EYA3: variants seen among roughly 807,000 people sequenced by gnomAD.
EYA3 encodes EYA transcriptional coactivator and phosphatase 3.
EYA3 carries 39 observed loss-of-function variants against 80.0 expected under a neutral mutation model. The ratio of observed to expected loss-of-function variants is 0.49; its 90% CI spans 0.38 to 0.64. EYA3 has a LOEUF of 0.64. Ranked by LOEUF, EYA3 falls within the 30% of genes least tolerant of loss-of-function variation. The pLI, the probability that EYA3 is intolerant of heterozygous loss-of-function variation, is 0.00. For synonymous variants in EYA3, 206 were observed against 232.8 expected (o/e 0.88, Z 1.05); for missense variants, 523 against 676.1 (o/e 0.77, Z 2.51).
chr1:28,027,597 T>G (rs549161728), intron 7 of EYA3, among the ~76,000 whole-genome samples, 192 bp downstream of exon 7: 1 of 152,292 alleles, frequency 6.6e-6, no homozygotes, highest in African/African-American at 2.4e-5. Flanking sequence ...GCTAAACTAC[T>G]TATAAACCAC....
intron 6 of EYA3, among the ~76,000 whole-genome samples, chr1:28,033,509 A>C (rs1643265890): frequency 6.6e-6 from 1 of 152,090 alleles, no homozygotes; most frequent in African/African-American, 2.4e-5. Context: ...CCTTGCCCTC[A>C]AATATTAAAC....
chr1:28,030,361 T>G (rs1172296488), intron 6 of EYA3, among the ~76,000 whole-genome samples: 1 of 152,190 alleles, frequency 6.6e-6, no homozygotes, highest in East Asian at 1.9e-4. Flanking sequence ...GGTGCAATCA[T>G]AGCTCACTGC....
At chr1:27,994,140 A>G (rs1043827807) in intron 13 of EYA3, among the ~76,000 whole-genome samples, 1 of 152,196 alleles carries the variant, frequency 6.6e-6, no homozygotes, top group Non-Finnish European at 1.5e-5. Context: ...AAATATAAAT[A>G]GAAAGTGATA....
chr1:28,061,745 G>A (rs1224328017), intron 1 of EYA3, among the ~76,000 whole-genome samples: 1 of 152,046 alleles, frequency 6.6e-6, no homozygotes, highest in Non-Finnish European at 1.5e-5. Context: ...GACTACAGGC[G>A]CCCGCCACCA....
At chr1:28,063,441 C>A (rs1644716936) in intron 1 of EYA3, among the ~76,000 whole-genome samples, 1 of 141,990 alleles carries the variant, frequency 7.0e-6, no homozygotes, top group Non-Finnish European at 1.5e-5. Context: ...ACCGCAACTT[C>A]CACCTCCCCA....
chr1:28,048,062 T>G (rs1644093304), intron 3 of EYA3, among the ~76,000 whole-genome samples: 1 of 152,204 alleles, frequency 6.6e-6, no homozygotes, highest in Non-Finnish European at 1.5e-5. Flanking sequence ...TTCTGTATAT[T>G]GTACGTCTGA....
Position 27,993,514 on chromosome 1 carries a change from C to T in EYA3, c.1189G>A (p.Gly397Ser). The change falls in exon 14 of 18, where the codon GGC (glycine) becomes AGC (serine). Residue 397 changes from glycine (G) to serine (S), a missense_variant. Gly to Ser is a moderately conservative substitution (Grantham distance 56, BLOSUM62 0). Transcript: ENST00000373871. ...ACACCCACAGATGAACCATGGCTGC[C>T]ACTACCTCCTGAGCCACTGAAACCA... is the stretch of plus-strand genomic sequence containing the variant. Reference protein sequence around the residue: ...TDGFSGSGGSGSHGSSVGVQG... With the variant: ...TDGFSGSGGSSSHGSSVGVQG... 1 of 1,612,322 alleles carries T rather than the reference C, an allele frequency of 6.2e-7. No homozygotes were observed. Among genetic ancestry groups the T allele is most frequent in the Non-Finnish European group, 8.5e-7 (1 of 1,179,432 alleles).
chr1:28,031,266 C>G (rs1429286793), intron 6 of EYA3, among the ~76,000 whole-genome samples: 1 of 152,212 alleles, frequency 6.6e-6, no homozygotes, highest in Non-Finnish European at 1.5e-5. Flanking sequence ...TGCAAATCAT[C>G]TTCCTCTAAA....
intron 2 of EYA3, among the ~76,000 whole-genome samples, chr1:28,056,059 T>G (rs1644427521): frequency 6.6e-6 from 1 of 152,150 alleles, no homozygotes; most frequent in Non-Finnish European, 1.5e-5. Context: ...TTAATAAGTA[T>G]TGTGTTTTCA....
intron 5 of EYA3, 60 bp downstream of exon 5, chr1:28,038,779 A>C (rs1643608982): frequency 9.5e-6 from 9 of 947,204 alleles, no homozygotes; most frequent in South Asian, 3.4e-5. Context: ...AATAATATTA[A>C]ATTTTGCAAT....
At chr1:28,045,986 T>C (rs1163264004) in intron 3 of EYA3, among the ~76,000 whole-genome samples, 2 of 152,138 alleles carry the variant, frequency 1.3e-5, no homozygotes, top group African/African-American at 2.4e-5. Flanking sequence ...CTTAAAGACA[T>C]CATGATGAAT....
chr1:28,018,174 T>G (rs1642196232), intron 7 of EYA3, among the ~76,000 whole-genome samples: 1 of 150,950 alleles, frequency 6.6e-6, no homozygotes, highest in Admixed American at 6.6e-5. Flanking sequence ...ACAGCCTGGG[T>G]GACAGAGCAA....
At chr1:27,982,543 A>G (rs1036516997) in intron 16 of EYA3, among the ~76,000 whole-genome samples, 1 of 151,458 alleles carries the variant, frequency 6.6e-6, no homozygotes, top group African/African-American at 2.4e-5. Context: ...AAATCTTTAT[A>G]TAGATATTAC....
intron 3 of EYA3, among the ~76,000 whole-genome samples, chr1:28,046,245 T>C (rs1379018723): frequency 6.6e-6 from 1 of 152,210 alleles, no homozygotes; most frequent in Non-Finnish European, 1.5e-5. Context: ...TGGTAAATTG[T>C]ATATTGTGTG....
intron 7 of EYA3, among the ~76,000 whole-genome samples, chr1:28,025,316 GGGA>G (rs1642709648): frequency 1.3e-5 from 2 of 152,254 alleles, no homozygotes; most frequent in Non-Finnish European, 2.9e-5. Context: ...ACCACAAAAA[GGGA>G]GGAGAAGTGA....
chr1:28,051,677 ACT>A (rs1338241433), intron 2 of EYA3, among the ~76,000 whole-genome samples: 10 of 152,248 alleles, frequency 6.6e-5, no homozygotes, highest in African/African-American at 2.2e-4. Flanking sequence ...ACAAGGCAAG[ACT>A]CTGTCTAAAA....
intron 1 of EYA3, among the ~76,000 whole-genome samples, chr1:28,085,816 G>A (rs1645632013): frequency 6.6e-6 from 1 of 152,144 alleles, no homozygotes; most frequent in Non-Finnish European, 1.5e-5. Context: ...GGAGGGTCAG[G>A]CTTGAAGATC....
rs1452680336 is a variant in EYA3 at position 27,972,651 on chromosome 1, T to G, written c.*1815A>C. On this transcript the variant is annotated 3_prime_UTR_variant, in exon 18 of 18. Transcript: ENST00000373871. ...TGCGGACCAATCCTGCATCTCAATCTGAGGTGCTTGTATCATCTCTCTCTG... is the reference window on the plus strand; with the variant it reads ...TGCGGACCAATCCTGCATCTCAATCGGAGGTGCTTGTATCATCTCTCTCTG... 1 of 152,256 alleles carries G rather than the reference T, an allele frequency of 6.6e-6. No individual in the cohort carries two copies. Among genetic ancestry groups the G allele is most frequent in the Non-Finnish European group, 1.5e-5 (1 of 68,044 alleles). 9.4% of individuals were successfully genotyped at this position (152,256 alleles called of 1,614,324 possible). A position where few individuals can be genotyped will look rare whatever the true frequency, so the allele number is the denominator to read the frequency against.
chr1:28,011,111 G>C, intron 9 of EYA3, 25 bp from the exon 10 acceptor site: 1 of 1,605,762 alleles, frequency 6.2e-7, no homozygotes, highest in Non-Finnish European at 8.5e-7. Context: ...TGAAACATAT[G>C]TTGTCAGGAG....
Sources: gnomAD v4.1 joint callset for allele counts (sites outside exome capture counted in the v4.1 genomes callset) on GRCh38, gnomAD v4.1.1 for gene constraint, MANE v1.5 for transcripts, NCBI Gene and HGNC (gene_info 2026-07-23, HGNC 2026-07-21) for gene names.